Variants in PTPRK observed in about 807,000 individuals in gnomAD.
The protein encoded by PTPRK is protein tyrosine phosphatase receptor type K, also known as receptor-type tyrosine-protein phosphatase kappa.
Under a neutral mutation model 178.0 loss-of-function variants are expected in PTPRK, and 75 were observed. The observed-to-expected ratio is 0.42, with a 90% CI of 0.35 to 0.51. PTPRK has a LOEUF of 0.51. Among genes scored for constraint, PTPRK ranks in the 20% least tolerant of loss-of-function variants. PTPRK has a pLI of 0.02. For synonymous variants in PTPRK, 637 were observed against 620.6 expected (o/e 1.03, Z -0.39); for missense variants, 1,441 against 1,797.8 (o/e 0.80, Z 3.59).
At chr6:127,996,172 T>C (rs889593373) in intron 17 of PTPRK, among the ~76,000 whole-genome samples, 9 of 152,044 alleles carry the variant, frequency 5.9e-5, no homozygotes, top group African/African-American at 2.2e-4. Context: ...TAACGATAAA[T>C]AATATCGAAC....
intron 6 of PTPRK, among the ~76,000 whole-genome samples, chr6:128,212,879 G>GCAAA (rs1309767139): frequency 2.0e-5 from 3 of 151,980 alleles, no homozygotes; most frequent in African/African-American, 2.4e-5. Flanking sequence ...CACAACTGCT[G>GCAAA]CACTTTACTA....
intron 1 of PTPRK, among the ~76,000 whole-genome samples, chr6:128,410,854 C>T (rs576721204): frequency 1.1e-4 from 17 of 152,244 alleles, no homozygotes; most frequent in African/African-American, 4.1e-4. Flanking sequence ...GAGGCTGGGC[C>T]TTCAGTGGCA....
At chr6:128,100,174 C>T (rs76659302) in intron 7 of PTPRK, among the ~76,000 whole-genome samples, 2,932 of 151,910 alleles carry the variant, frequency 0.019, 86 homozygotes, top group African/African-American at 0.065. Flanking sequence ...TTAATACAGG[C>T]GACTTGCAAG....
At chr6:128,277,918 G>T (rs1200753434) in intron 3 of PTPRK, among the ~76,000 whole-genome samples, 1 of 151,824 alleles carries the variant, frequency 6.6e-6, no homozygotes, top group Non-Finnish European at 1.5e-5. Flanking sequence ...CATGATATGA[G>T]AACATGAGAA....
intron 21 of PTPRK, among the ~76,000 whole-genome samples, chr6:127,986,770 A>T (rs971876052): frequency 8.5e-5 from 13 of 152,242 alleles, no homozygotes; most frequent in African/African-American, 2.9e-4. Context: ...CAGAAAAGGT[A>T]GACACATTAC....
At chr6:128,351,234 T>A (rs1833082736) in intron 2 of PTPRK, among the ~76,000 whole-genome samples, 2 of 152,162 alleles carry the variant, frequency 1.3e-5, no homozygotes, top group Admixed American at 1.3e-4. Flanking sequence ...GGTGGTGATA[T>A]AAACACGGGA....
chr6:128,469,839 TTAA>T, intron 1 of PTPRK, among the ~76,000 whole-genome samples: 1 of 151,876 alleles, frequency 6.6e-6, no homozygotes. Flanking sequence ...AGTGTGGGCT[TTAA>T]AGAGAGAGAA....
Position 128,082,506 on chromosome 6 carries a change from A to G in PTPRK, c.1708T>C (p.Phe570Leu), listed in dbSNP as rs2114999782. The G allele has an allele frequency of 6.2e-7, 1 of 1,613,574 alleles. No individual in the cohort carries two copies. The highest frequency in any genetic ancestry group is 2.2e-5 in the East Asian group (1 of 44,862). The change falls in exon 10 of 30, where the codon TTC becomes CTC. Residue 570 changes from phenylalanine (F) to leucine (L), a missense_variant. Physicochemically the swap from Phe to Leu is conservative, Grantham distance 22. This residue lies in a region of PTPRK where 945 missense variants were observed against 1,080.6 expected (regional missense o/e 0.87). Coordinates refer to ENST00000368226, the MANE Select transcript of PTPRK (RefSeq NM_002844.4). ...HLHPGTTYQF[F>L]IRASTVKGFG... is the part of the protein sequence containing the mutation. ...CCTTTGACCGTGCTGGCTCTTATGA[A>G]AAACTGGTACGTGGTTCCAGGGTGG...
chr6:128,396,744 A>G (rs1840356855), intron 2 of PTPRK, among the ~76,000 whole-genome samples: 1 of 152,190 alleles, frequency 6.6e-6, no homozygotes, highest in Non-Finnish European at 1.5e-5. Flanking sequence ...TCACGCTTGT[A>G]ATCCCAGCAG....
At chr6:128,325,413 AC>A (rs1229408330) in intron 2 of PTPRK, among the ~76,000 whole-genome samples, 1 of 152,180 alleles carries the variant, frequency 6.6e-6, no homozygotes, top group East Asian at 1.9e-4. Context: ...AAAAATTTTT[AC>A]AATCTATCCA....
chr6:128,020,449 T>C (rs955991259), intron 13 of PTPRK, among the ~76,000 whole-genome samples: 81 of 152,272 alleles, frequency 5.3e-4, no homozygotes, highest in Non-Finnish European at 9.7e-4. Context: ...GTCAGTGATA[T>C]TTTTTTCCCT....
Position 128,184,484 on chromosome 6 carries a change from T to C in PTPRK, c.1110A>G (p.Glu370=), listed in dbSNP as rs574583875. ...GAGGTCCTGGGAGCCCCGTTCCACC[T>C]TCACCAGGTCTTGTAAGTAGAACTC... ...EIRVLLTRPG[E]GGTGLPGPPL... Residue 370 remains glutamate (E), a synonymous_variant, in exon 7 of 30, where the codon GAA becomes GAG. Coordinates refer to ENST00000368226, the MANE Select transcript of PTPRK (RefSeq NM_002844.4). 1 of 1,613,792 alleles carries C rather than the reference T, an allele frequency of 6.2e-7. No homozygotes were observed. The highest frequency in any genetic ancestry group is 8.5e-7 in the Non-Finnish European group (1 of 1,179,800).
At chr6:128,328,899 C>A (rs987081686) in intron 2 of PTPRK, among the ~76,000 whole-genome samples, 3 of 152,086 alleles carry the variant, frequency 2.0e-5, no homozygotes, top group Non-Finnish European at 4.4e-5. Flanking sequence ...GTATCTGTCT[C>A]AATAGAAGGC....
At position 128,035,410 on chromosome 6, in the gene PTPRK, T is replaced by A. The variant is rs539260220; in HGVS notation, c.2195-26142A>T. Among the ~76,000 whole-genome samples the A allele has an allele frequency of 2.0e-5, 3 of 150,016 alleles. No homozygotes were observed. In the East Asian group the frequency reaches 5.8e-4, roughly 29 times the overall value. ...AATAATTACATTAATGCTCTTTTTA[T>A]CAAAACATTACTGAATCCTTCGCTG... On this transcript the variant is annotated intron_variant, in intron 13 of 29. Transcript: ENST00000368226.
rs995509632 is a variant in PTPRK, at chr6:128,195,098, T to G, written c.869-10373A>C. On this transcript the variant is annotated intron_variant, in intron 6 of 29. Coordinates refer to ENST00000368226, the MANE Select transcript of PTPRK (RefSeq NM_002844.4). Reference sequence around the variant, plus strand: ...TTTAAAAAAATTATTAAAAATATCCTGAATCTTCCACATCTAGAATATAAA... The same window carrying G: ...TTTAAAAAAATTATTAAAAATATCCGGAATCTTCCACATCTAGAATATAAA... 7.3e-5 allele frequency among the ~76,000 whole-genome samples: 11 copies of G among 150,726 alleles called. 1 individual carries two copies. Among genetic ancestry groups the G allele is most frequent in the African/African-American group, 2.7e-4 (11 of 40,076 alleles).
At chr6:128,069,423 G>GA (rs1782420382) in intron 11 of PTPRK, among the ~76,000 whole-genome samples, 1 of 152,112 alleles carries the variant, frequency 6.6e-6, no homozygotes, top group Non-Finnish European at 1.5e-5. Flanking sequence ...CATCCATGGA[G>GA]CAGGCATTTG....
intron 3 of PTPRK, among the ~76,000 whole-genome samples, chr6:128,296,905 C>A (rs1325300640): frequency 1.3e-5 from 2 of 151,684 alleles, no homozygotes; most frequent in Non-Finnish European, 2.9e-5. Flanking sequence ...GGACTAAATG[C>A]TCCAATTAAA....
chr6:128,070,927 G>A (rs1782707477), intron 11 of PTPRK, among the ~76,000 whole-genome samples: 1 of 151,436 alleles, frequency 6.6e-6, no homozygotes, highest in Admixed American at 6.6e-5. Flanking sequence ...TTTTTGCTTA[G>A]GACATATCTA....
At chr6:128,178,788 G>C (rs1801484605) in intron 7 of PTPRK, among the ~76,000 whole-genome samples, 1 of 151,598 alleles carries the variant, frequency 6.6e-6, no homozygotes, top group Non-Finnish European at 1.5e-5. Context: ...ATCTAGTAAT[G>C]TCAGTCTGTA....
Sources: allele counts gnomAD v4.1 joint callset (sites outside exome capture counted in the v4.1 genomes callset), GRCh38; gene constraint gnomAD v4.1.1; regional missense constraint gnomAD v4.1.1; transcripts MANE v1.5; gene names NCBI Gene and HGNC (gene_info 2026-07-23, HGNC 2026-07-21).